KCNAB1: variants seen among roughly 807,000 people sequenced by gnomAD.
KCNAB1 encodes potassium voltage-gated channel subfamily A regulatory beta subunit 1, also known as voltage-gated potassium channel subunit beta-1.
Under a neutral mutation model 64.6 loss-of-function variants are expected in KCNAB1, and 35 were observed. That is an observed-to-expected ratio of 0.54 (90% CI 0.41 to 0.72). The LOEUF (loss-of-function observed/expected upper bound fraction) is 0.72. Among genes scored for constraint, KCNAB1 ranks in the 30% least tolerant of loss-of-function variants. The pLI is 0.00. For missense variants in KCNAB1, 401 were observed against 512.9 expected, an observed-to-expected ratio of 0.78 and a Z score of 2.11; for synonymous variants, 177 against 183.8, an observed-to-expected ratio of 0.96 and a Z score of 0.30.
chr3:156,165,034 T>G (rs1716289993), intron 1 of KCNAB1, among the ~76,000 whole-genome samples: 1 of 151,912 alleles, frequency 6.6e-6, no homozygotes, highest in Non-Finnish European at 1.5e-5. Context: ...ATCCCAGCAC[T>G]TTGGGAGGCC....
chr3:156,384,993 T>C (rs3772256), intron 1 of KCNAB1, among the ~76,000 whole-genome samples: 22,244 of 152,000 alleles, frequency 0.15, 1,908 homozygotes, highest in Middle Eastern at 0.21. Context: ...CAAGAAAGAG[T>C]AAGAATAAAA....
At chr3:156,387,673 A>T (rs939648603) in intron 1 of KCNAB1, among the ~76,000 whole-genome samples, 3 of 152,218 alleles carry the variant, frequency 2.0e-5, no homozygotes, top group Non-Finnish European at 4.4e-5. Flanking sequence ...GTAGAAAAAT[A>T]TAGATTTTTC....
At chr3:156,317,475 G>A (rs1253519676) in intron 1 of KCNAB1, among the ~76,000 whole-genome samples, 1 of 152,018 alleles carries the variant, frequency 6.6e-6, no homozygotes, top group East Asian at 1.9e-4. Flanking sequence ...ATATATGTGT[G>A]TTCATTGTGG....
At chr3:156,250,376 G>A (rs577819324) in intron 1 of KCNAB1, among the ~76,000 whole-genome samples, 1 of 152,042 alleles carries the variant, frequency 6.6e-6, no homozygotes, top group East Asian at 1.9e-4. Flanking sequence ...GCTGTGTTCA[G>A]GAAAAAGGGA....
chr3:156,485,539 T>G (rs1013720120), intron 8 of KCNAB1, among the ~76,000 whole-genome samples: 10 of 151,654 alleles, frequency 6.6e-5, no homozygotes, highest in East Asian at 1.9e-4. Flanking sequence ...TTTGCTTTTT[T>G]GGGGGGGGCA....
chr3:156,227,451 C>T (rs961104579), intron 1 of KCNAB1, among the ~76,000 whole-genome samples: 63 of 151,824 alleles, frequency 4.1e-4, no homozygotes, highest in African/African-American at 1.3e-3. Flanking sequence ...ACTTTCTCTC[C>T]GATTTCAGTG....
intron 1 of KCNAB1, among the ~76,000 whole-genome samples, chr3:156,290,726 G>A (rs1041935363): frequency 6.6e-6 from 1 of 152,172 alleles, no homozygotes; most frequent in Non-Finnish European, 1.5e-5. Flanking sequence ...CTATGGACCT[G>A]CTGCACACCT....
intron 8 of KCNAB1, among the ~76,000 whole-genome samples, chr3:156,488,267 A>G (rs1026181509): frequency 1.3e-5 from 2 of 151,268 alleles, no homozygotes; most frequent in East Asian, 2.0e-4. Flanking sequence ...GTTAAATTGT[A>G]TAGAATATTA....
At chr3:156,342,000 C>T (rs927410367) in intron 1 of KCNAB1, among the ~76,000 whole-genome samples, 1 of 152,182 alleles carries the variant, frequency 6.6e-6, no homozygotes. Flanking sequence ...CCTGCCCACA[C>T]CAGAGCCACT....
chr3:156,244,008 C>G (rs1427139885), intron 1 of KCNAB1, among the ~76,000 whole-genome samples: 1 of 152,198 alleles, frequency 6.6e-6, no homozygotes, highest in Non-Finnish European at 1.5e-5. Context: ...CTTGGGTGGC[C>G]AAACATCCAG....
At chr3:156,454,148 T>TG (rs965608827) in intron 3 of KCNAB1, among the ~76,000 whole-genome samples, 1 of 152,230 alleles carries the variant, frequency 6.6e-6, no homozygotes, top group East Asian at 1.9e-4. Flanking sequence ...GCTTGTCTCA[T>TG]GGGGGCTCCC....
At chr3:156,525,847 AAAATGTT>A (rs1164139241) in intron 12 of KCNAB1, among the ~76,000 whole-genome samples, 1 of 152,236 alleles carries the variant, frequency 6.6e-6, no homozygotes, top group Non-Finnish European at 1.5e-5. Flanking sequence ...TTATAAAGTA[AAAATGTT>A]ACAGTTAGCT....
rs1420619780 is a variant in KCNAB1 at position 156,536,664 on chromosome 3, C to T, written c.1177C>T (p.Pro393Ser). The T allele has an allele frequency of 1.2e-6, 2 of 1,610,022 alleles. No individual in the cohort carries two copies. The highest frequency in any genetic ancestry group is 1.7e-6 in the Non-Finnish European group (2 of 1,176,246). Residue 393 changes from proline to serine, a missense_variant, in exon 14 of 14, where the codon CCA (proline) becomes TCA (serine). By Grantham distance (74) the Pro-to-Ser change is moderately conservative (BLOSUM62 -1). Coordinates refer to ENST00000490337, the MANE Select transcript of KCNAB1 (RefSeq NM_172160.3). ...IENLGAIQVL[P>S]KMTSHVVNEI... ...CTTCTCCTCCTGCTCTCAGGTTCTC[C>T]CAAAGATGACATCACATGTGGTAAA... is the stretch of plus-strand genomic sequence containing the variant.
At chr3:156,178,995 C>T (rs866565046) in intron 1 of KCNAB1, among the ~76,000 whole-genome samples, 1,203 of 118,944 alleles carry the variant, frequency 0.01, 10 homozygotes, top group Non-Finnish European at 0.015. Context: ...AGCGAGACTC[C>T]GTCTCAAAAA....
At chr3:156,303,914 C>T (rs781597702) in intron 1 of KCNAB1, among the ~76,000 whole-genome samples, 13 of 152,084 alleles carry the variant, frequency 8.5e-5, no homozygotes, top group Non-Finnish European at 1.6e-4. Flanking sequence ...ATAAGCAAAT[C>T]GAAGTCTGCA....
intron 1 of KCNAB1, among the ~76,000 whole-genome samples, chr3:156,179,115 A>G (rs1197352255): frequency 5.3e-5 from 8 of 152,006 alleles, no homozygotes; most frequent in Non-Finnish European, 1.0e-4. Context: ...AATATTATAT[A>G]AGGTTTATTT....
At chr3:156,171,183 T>TCATGCACA (rs1553812688) in intron 1 of KCNAB1, among the ~76,000 whole-genome samples, 3 of 74,966 alleles carry the variant, frequency 4.0e-5, no homozygotes, top group Non-Finnish European at 7.8e-5. Flanking sequence ...GTTAGAAACT[T>TCATGCACA]CACGCACACA....
At chr3:156,479,856 C>T (rs1360186939) in intron 8 of KCNAB1, among the ~76,000 whole-genome samples, 1 of 152,092 alleles carries the variant, frequency 6.6e-6, no homozygotes. Flanking sequence ...CCAAAGTTAG[C>T]TTCACTTATT....
chr3:156,356,852 G>A (rs1435223836), intron 1 of KCNAB1, among the ~76,000 whole-genome samples: 2 of 152,196 alleles, frequency 1.3e-5, no homozygotes, highest in Admixed American at 6.5e-5. Context: ...AAATCCTAAA[G>A]AAACAGGTCC....
Sources: gnomAD v4.1 joint callset for allele counts (sites outside exome capture counted in the v4.1 genomes callset) on GRCh38, gnomAD v4.1.1 for gene constraint, MANE v1.5 for transcripts, NCBI Gene and HGNC (gene_info 2026-07-23, HGNC 2026-07-21) for gene names.